ADGRB3: variants seen among roughly 807,000 people sequenced by gnomAD.
The protein encoded by ADGRB3 is brain-specific angiogenesis inhibitor 3.
ADGRB3 carries 37 observed loss-of-function variants against 193.4 expected under a neutral mutation model. The ratio of observed to expected loss-of-function variants is 0.19; its 90% CI spans 0.15 to 0.25. The LOEUF is 0.25. Ranked by LOEUF, ADGRB3 falls within the 10% of genes least tolerant of loss-of-function variation. ADGRB3 has a pLI of 1.00. For missense variants in ADGRB3, 1,637 were observed against 1,852.9 expected (o/e 0.88, Z 2.14); for synonymous variants, 690 against 644.2 (o/e 1.07, Z -1.08).
rs910432507 is a variant in ADGRB3, at chr6:69,107,917, G to A, written c.2480+31879G>A. ...AGGGAGAGGGAGGGAGGGGGCAAGC[G>A]TTGAAAAACCAACTACTGAGGACTG... On this transcript the variant is annotated intron_variant, in intron 17 of 31. Transcript: ENST00000370598. Among the ~76,000 whole-genome samples, 15 of 151,872 alleles carry A rather than the reference G, an allele frequency of 9.9e-5. No homozygotes were observed. The South Asian group carries it at 1.0e-3, about 11-fold the overall frequency.
chr6:69,181,134 G>T (rs1381983620), intron 17 of ADGRB3, among the ~76,000 whole-genome samples: 1 of 152,082 alleles, frequency 6.6e-6, no homozygotes. Context: ...CATCACAGGG[G>T]CTGTTTGCCT....
chr6:68,637,217 G>C (rs1380528159), intron 1 of ADGRB3, among the ~76,000 whole-genome samples, 174 bp from the exon 2 acceptor site: 1 of 152,152 alleles, frequency 6.6e-6, no homozygotes, highest in East Asian at 1.9e-4. Context: ...TTATAATCTG[G>C]AAAATGCAGA....
chr6:69,010,420 C>G (rs1769897164), intron 11 of ADGRB3, among the ~76,000 whole-genome samples: 1 of 151,810 alleles, frequency 6.6e-6, no homozygotes, highest in Non-Finnish European at 1.5e-5. Flanking sequence ...TGCGTATTTG[C>G]CATAATGCGG....
intron 20 of ADGRB3, among the ~76,000 whole-genome samples, chr6:69,300,316 C>T (rs999299681): frequency 3.3e-5 from 5 of 151,472 alleles, no homozygotes; most frequent in Admixed American, 1.3e-4. Flanking sequence ...GGAACATAGT[C>T]CAACACAATA....
chr6:68,880,710 G>A (rs564480875), intron 3 of ADGRB3, among the ~76,000 whole-genome samples: 1 of 152,102 alleles, frequency 6.6e-6, no homozygotes. Flanking sequence ...TGAAAGGTGG[G>A]GCTTTTTTCC....
chr6:68,770,369 T>C (rs182720817), intron 3 of ADGRB3, among the ~76,000 whole-genome samples: 2 of 152,268 alleles, frequency 1.3e-5, no homozygotes, highest in African/African-American at 4.8e-5. Flanking sequence ...CTGCATCTCA[T>C]TAGCATCTGA....
intron 3 of ADGRB3, among the ~76,000 whole-genome samples, chr6:68,742,414 G>C (rs1311199063): frequency 6.6e-6 from 1 of 151,662 alleles, no homozygotes; most frequent in Non-Finnish European, 1.5e-5. Context: ...TGACAGAGGG[G>C]AAAAAGAAAA....
At chr6:69,372,467 A>T in intron 30 of ADGRB3, 26 bp downstream of exon 30, 6 of 1,236,286 alleles carry the variant, frequency 4.9e-6, no homozygotes, top group Non-Finnish European at 6.7e-6. Flanking sequence ...TTATTTTAGA[A>T]TTGTAATTAC....
intron 3 of ADGRB3, among the ~76,000 whole-genome samples, chr6:68,674,106 G>A (rs1357758132): frequency 6.6e-6 from 1 of 152,092 alleles, no homozygotes; most frequent in Non-Finnish European, 1.5e-5. Flanking sequence ...AGAATCATAG[G>A]ATATGATGAC....
intron 17 of ADGRB3, among the ~76,000 whole-genome samples, chr6:69,107,594 G>C (rs924665492): frequency 6.6e-6 from 1 of 152,098 alleles, no homozygotes. Context: ...GAGTTAAAAA[G>C]TGGTAACCAA....
Position 69,195,018 on chromosome 6 carries a change from C to G in ADGRB3, c.2481-38272C>G, listed in dbSNP as rs186077170. Among the ~76,000 whole-genome samples, 26 of 152,126 alleles carry G rather than the reference C, an allele frequency of 1.7e-4. 1 individual carries two copies. In the East Asian group the frequency reaches 5.0e-3, roughly 29 times the overall value. ...TGTGTGTTTGTAAAGAAGTTTGAGTCGGCAGATACTTTGGTCTTGCTATTT... is the reference window on the plus strand; with the variant it reads ...TGTGTGTTTGTAAAGAAGTTTGAGTGGGCAGATACTTTGGTCTTGCTATTT... On this transcript the variant is annotated intron_variant, in intron 17 of 31. Transcript: ENST00000370598.
chr6:68,999,634 T>C (rs1399687668), intron 11 of ADGRB3, among the ~76,000 whole-genome samples: 1 of 152,220 alleles, frequency 6.6e-6, no homozygotes, highest in Non-Finnish European at 1.5e-5. Flanking sequence ...GTTGTTGTTG[T>C]TCTCAAAAGT....
At chr6:69,358,335 A>G (rs1324991844) in intron 28 of ADGRB3, among the ~76,000 whole-genome samples, 1 of 151,912 alleles carries the variant, frequency 6.6e-6, no homozygotes, top group African/African-American at 2.4e-5. Flanking sequence ...GATGCATGCT[A>G]AAATTTGAGT....
chr6:69,366,844 A>G (rs1027918010), intron 29 of ADGRB3, among the ~76,000 whole-genome samples: 1 of 152,130 alleles, frequency 6.6e-6, no homozygotes, highest in African/African-American at 2.4e-5. Context: ...ATCATTTACC[A>G]ATAATTTTGT....
At position 68,740,278 on chromosome 6, in the gene ADGRB3, T is replaced by C. The variant is rs180761582; in HGVS notation, c.757+100846T>C. ...TATCACTTATATCCAAAGTGATAAG[T>C]CTGGGCGTGGTGGCATAGGCCATAA... On this transcript the variant is annotated intron_variant, in intron 3 of 31. Transcript: ENST00000370598. Among the ~76,000 whole-genome samples the C allele has an allele frequency of 8.1e-4, 123 of 152,272 alleles. 1 individual carries two copies. Among genetic ancestry groups the C allele is most frequent in the African/African-American group, 2.7e-3 (113 of 41,568 alleles).
At chr6:69,094,261 T>C (rs867985203) in intron 17 of ADGRB3, among the ~76,000 whole-genome samples, 4 of 152,222 alleles carry the variant, frequency 2.6e-5, no homozygotes, top group Non-Finnish European at 4.4e-5. Flanking sequence ...TCTTATTCTA[T>C]TCTGGCAGGA....
At chr6:69,257,664 AAGTT>A (rs1766812190) in intron 20 of ADGRB3, among the ~76,000 whole-genome samples, 1 of 152,196 alleles carries the variant, frequency 6.6e-6, no homozygotes, top group Non-Finnish European at 1.5e-5. Context: ...ATGGGGAAAA[AAGTT>A]AATTATTTTG....
At chr6:69,301,064 T>C (rs1317341981) in intron 20 of ADGRB3, among the ~76,000 whole-genome samples, 2 of 151,766 alleles carry the variant, frequency 1.3e-5, no homozygotes, top group East Asian at 3.9e-4. Context: ...AATAAACATA[T>C]CGGAAAAATT....
chr6:68,902,431 T>TG (rs1280799756), intron 3 of ADGRB3, among the ~76,000 whole-genome samples: 2 of 152,124 alleles, frequency 1.3e-5, no homozygotes, highest in Non-Finnish European at 2.9e-5. Context: ...GACTAGAAAC[T>TG]GATTTCTTCA....
Sources: allele counts gnomAD v4.1 joint callset (sites outside exome capture counted in the v4.1 genomes callset), GRCh38; gene constraint gnomAD v4.1.1; transcripts MANE v1.5; gene names NCBI Gene and HGNC (gene_info 2026-07-23, HGNC 2026-07-21).